Variants in IL6ST observed in about 807,000 individuals in gnomAD.
IL6ST encodes the protein interleukin-6 receptor subunit beta.
A neutral mutation model predicts 91.3 loss-of-function variants in IL6ST; 24 were observed. That is an observed-to-expected ratio of 0.26 (90% CI 0.19 to 0.37). The LOEUF is 0.37. Among genes scored for constraint, IL6ST ranks in the 10% least tolerant of loss-of-function variants. The pLI is 1.00. For synonymous variants in IL6ST, 351 were observed against 373.6 expected (o/e 0.94, Z 0.70); for missense variants, 914 against 1,078.5 (o/e 0.85, Z 2.14).
In IL6ST at chr5:55,940,111, GAA is replaced by G. The variant is rs1182036174; in HGVS notation, c.*969_*970del. On this transcript the variant is annotated 3_prime_UTR_variant, in exon 17 of 17. Transcript: ENST00000381298. Reference sequence around the variant, plus strand: ...TCTACCCAGTACTCTGAAGTCTTAAGAAAAGTCAATGATATGTGTGTGTATAT... The same window carrying G: ...TCTACCCAGTACTCTGAAGTCTTAAGAAGTCAATGATATGTGTGTGTATAT... 6.9e-6 allele frequency: 1 copy of G among 143,904 alleles called. No homozygotes were observed. Among genetic ancestry groups the G allele is most frequent in the South Asian group, 3.2e-4 (1 of 3,102 alleles). 8.9% of individuals were successfully genotyped at this position (143,904 alleles called of 1,614,324 possible).
At chr5:55,994,470 G>A (rs920954873) in intron 1 of IL6ST, among the ~76,000 whole-genome samples, 8 of 152,134 alleles carry the variant, frequency 5.3e-5, no homozygotes, top group Admixed American at 3.9e-4. Context: ...GAAAAACGTG[G>A]GATCTGGTAA....
intron 15 of IL6ST, among the ~76,000 whole-genome samples, chr5:55,945,040 C>CAAAA (rs368225632): frequency 2.1e-4 from 15 of 71,928 alleles, no homozygotes; most frequent in African/African-American, 2.7e-4. Context: ...GGAATTAAAT[C>CAAAA]AAAAAAAAAA....
At position 55,969,651 on chromosome 5, in the gene IL6ST, G is replaced by A. The variant is rs749114378; in HGVS notation, c.269C>T (p.Thr90Ile). 5.6e-5 allele frequency: 90 copies of A among 1,611,950 alleles called. No individual in the cohort carries two copies. The Middle Eastern group carries it at 3.0e-3, about 53-fold the overall frequency. Residue 90 changes from threonine (T) to isoleucine (I), a missense_variant, in exon 4 of 17, where the codon ACC (threonine) becomes ATC (isoleucine). By Grantham distance (89) the Thr-to-Ile change is moderately conservative. Transcript: ENST00000381298. ...ATTTAATGAAGCTATATCTGTAAAGGTGACACTGGATGCTGTTCTGTTTAT... is the reference window on the plus strand; with the variant it reads ...ATTTAATGAAGCTATATCTGTAAAGATGACACTGGATGCTGTTCTGTTTAT... ...TIINRTASSVTFTDIASLNIQ... is the reference protein window; with the variant it reads ...TIINRTASSVIFTDIASLNIQ...
Position 55,940,113 on chromosome 5 carries a change from A to G in IL6ST, c.*969T>C, listed in dbSNP as rs1444347664. 5.1e-6 allele frequency: 1 copy of G among 197,048 alleles called. No individual in the cohort carries two copies. Among genetic ancestry groups the G allele is most frequent in the Non-Finnish European group, 1.0e-5 (1 of 96,840 alleles). 12.2% of individuals were successfully genotyped at this position (197,048 alleles called of 1,614,324 possible). On this transcript the variant is annotated 3_prime_UTR_variant, in exon 17 of 17. Transcript: ENST00000381298. ...TACCCAGTACTCTGAAGTCTTAAGAAAAGTCAATGATATGTGTGTGTATAT... is the reference window on the plus strand; with the variant it reads ...TACCCAGTACTCTGAAGTCTTAAGAGAAGTCAATGATATGTGTGTGTATAT...
At position 55,976,735 on chromosome 5, in the gene IL6ST, C is replaced by A. The variant is rs145477021; in HGVS notation, c.-15-442G>T. On this transcript the variant is annotated intron_variant, in intron 2 of 16. Transcript: ENST00000381298. The stretch of plus-strand genomic sequence containing the variant: ...AATGCCTACAAATCACTAAAAAATT[C>A]TAACACCTAATAGAACAGGCAAACA... Among the ~76,000 whole-genome samples the A allele has an allele frequency of 9.2e-5, 14 of 152,248 alleles. No homozygotes were observed. In the East Asian group the frequency reaches 2.5e-3, roughly 27 times the overall value.
chr5:55,963,465 C>G lies in IL6ST; in HGVS notation c.700G>C (p.Glu234Gln). Residue 234 changes from glutamate (E) to glutamine (Q), a missense_variant, in exon 7 of 17, where the codon GAG becomes CAG. Physicochemically the swap from Glu to Gln is conservative, Grantham distance 29. Coordinates refer to ENST00000381298, the MANE Select transcript of IL6ST (RefSeq NM_002184.4). ...AATTTTAAGATACTAGACAGTTCCTCTGAGTTGATCACTGATAAATTATGT... is the reference window on the plus strand; with the variant it reads ...AATTTTAAGATACTAGACAGTTCCTGTGAGTTGATCACTGATAAATTATGT... ...PPHNLSVINS[E>Q]ELSSILKLTW... The G allele has an allele frequency of 6.2e-7, 1 of 1,610,002 alleles. No individual in the cohort carries two copies. Among genetic ancestry groups the G allele is most frequent in the Non-Finnish European group, 8.5e-7 (1 of 1,177,234 alleles).
chr5:55,935,282 T>A lies in IL6ST; in HGVS notation c.*5800A>T, dbSNP rs1242313601. On this transcript the variant is annotated 3_prime_UTR_variant, in exon 17 of 17. Transcript: ENST00000381298. ...AAGAAATGACAATTCTAGATACACT[T>A]TTTTGACATGTAAAATGACATAACC... 5.3e-6 allele frequency: 1 copy of A among 189,380 alleles called. No homozygotes were observed. The highest frequency in any genetic ancestry group is 8.4e-5 in the East Asian group (1 of 11,866). The allele number at this position is 189,380 out of a possible 1,614,324, so 11.7% of individuals were successfully genotyped here.
intron 15 of IL6ST, among the ~76,000 whole-genome samples, chr5:55,943,692 G>A (rs1178908774): frequency 6.6e-6 from 1 of 152,070 alleles, no homozygotes; most frequent in African/African-American, 2.4e-5. Flanking sequence ...ACCAAATTGT[G>A]ACACCCATTC....
At chr5:55,967,860 A>C (rs1003185080) in intron 5 of IL6ST, among the ~76,000 whole-genome samples, 5 of 151,824 alleles carry the variant, frequency 3.3e-5, no homozygotes, top group African/African-American at 1.2e-4. Flanking sequence ...GTAGTGGTGC[A>C]ATCCGGGCTC....
chr5:55,966,267 A>G (rs746472909), intron 5 of IL6ST, among the ~76,000 whole-genome samples: 5 of 152,240 alleles, frequency 3.3e-5, no homozygotes, highest in Non-Finnish European at 5.9e-5. Flanking sequence ...TATATACTAT[A>G]TAATCCCATT....
At chr5:55,950,910 T>C (rs11574778) in intron 14 of IL6ST, among the ~76,000 whole-genome samples, 5,057 of 151,710 alleles carry the variant, frequency 0.033, 283 homozygotes, top group African/African-American at 0.12. Flanking sequence ...GTTCATGCCA[T>C]TGCACTCCAC....
chr5:55,959,565 C>T (rs1285249040), intron 8 of IL6ST: 60 of 793,212 alleles, frequency 7.6e-5, no homozygotes, highest in Non-Finnish European at 9.9e-5. Flanking sequence ...TCTTTTTGTG[C>T]CTTTTTTATT....
chr5:55,977,390 T>C (rs1753370519), intron 2 of IL6ST, among the ~76,000 whole-genome samples: 1 of 152,084 alleles, frequency 6.6e-6, no homozygotes, highest in African/African-American at 2.4e-5. Flanking sequence ...TCAGAAATTC[T>C]TGATACGGCA....
rs753640809 is a variant in IL6ST, at chr5:55,954,947, A to T, written c.1313T>A (p.Met438Lys). The T allele has an allele frequency of 1.2e-6, 2 of 1,611,508 alleles. No homozygotes were observed. The highest frequency in any genetic ancestry group is 1.7e-5 in the Admixed American group (1 of 59,864). The change falls in exon 11 of 17, where the codon ATG (methionine) becomes AAG (lysine). Residue 438 changes from methionine to lysine, a missense_variant. Coordinates refer to ENST00000381298, the MANE Select transcript of IL6ST (RefSeq NM_002184.4). ...MDLKAFPKDN[M>K]LWVEWTTPRE... ...TGGAGTAGTCCATTCCACCCAAAGCATGTTATCTTTGGGGAATGCTTTAAG... is the reference window on the plus strand; with the variant it reads ...TGGAGTAGTCCATTCCACCCAAAGCTTGTTATCTTTGGGGAATGCTTTAAG...
At chr5:55,972,161 ATAAT>A (rs1018973549) in intron 3 of IL6ST, among the ~76,000 whole-genome samples, 18 of 152,320 alleles carry the variant, frequency 1.2e-4, no homozygotes, top group African/African-American at 4.1e-4. Flanking sequence ...CTAAAAAGAT[ATAAT>A]TAGAGACTCA....
At position 55,954,791 on chromosome 5, in the gene IL6ST, T is replaced by C; in HGVS notation, c.1450+19A>G. 6.4e-7 allele frequency: 1 copy of C among 1,559,806 alleles called. No individual in the cohort carries two copies. The highest frequency in any genetic ancestry group is 8.7e-7 in the Non-Finnish European group (1 of 1,150,558). ...GTTAGAAAAAGGATATCAATTTAGA[T>C]GTTTCTAGCCAGGTATACCTCTTAA... On this transcript the variant is annotated intron_variant, in intron 11 of 16. Transcript: ENST00000381298.
chr5:55,943,983 CAGG>C (rs2111607370), intron 15 of IL6ST, among the ~76,000 whole-genome samples: 1 of 152,214 alleles, frequency 6.6e-6, no homozygotes, highest in African/African-American at 2.4e-5. Flanking sequence ...GTGGCTGAGG[CAGG>C]AGAATTGCTT....
Position 55,952,193 on chromosome 5 carries a change from T to C in IL6ST, c.1552+57A>G, listed in dbSNP as rs1751676911. The C allele has an allele frequency of 3.3e-6, 5 of 1,496,244 alleles. No individual in the cohort carries two copies. The African/African-American group carries it at 4.2e-5, about 13-fold the overall frequency. 92.7% of individuals were successfully genotyped at this position (1,496,244 alleles called of 1,614,324 possible). On this transcript the variant is annotated intron_variant, in intron 12 of 16. Coordinates refer to ENST00000381298, the MANE Select transcript of IL6ST (RefSeq NM_002184.4). ...ATCTTTATTTAAAAGCGATAAAATG[T>C]TTCTGTTAATACAAAGCCCTAAACT...
intron 4 of IL6ST, among the ~76,000 whole-genome samples, chr5:55,968,751 G>A (rs988885757): frequency 3.3e-5 from 5 of 152,126 alleles, no homozygotes; most frequent in Non-Finnish European, 5.9e-5. Context: ...AGGCAACTAA[G>A]TAGAAGCCAA....
Sources: allele counts gnomAD v4.1 joint callset (sites outside exome capture counted in the v4.1 genomes callset), GRCh38; gene constraint gnomAD v4.1.1; transcripts MANE v1.5; gene names NCBI Gene and HGNC (gene_info 2026-07-23, HGNC 2026-07-21).